HRH1: variants seen among roughly 807,000 people sequenced by gnomAD.
HRH1 encodes histamine H1 receptor.
Under a neutral mutation model 10.3 loss-of-function variants are expected in HRH1, and 6 were observed. The ratio of observed to expected loss-of-function variants is 0.58; its 90% CI spans 0.32 to 1.15. The LOEUF (loss-of-function observed/expected upper bound fraction) is 1.15. HRH1 is among the 50% of genes most tolerant of loss of function. The pLI, the probability that HRH1 is intolerant of heterozygous loss-of-function variation, is 0.05. For synonymous variants in HRH1, 242 were observed against 236.7 expected (o/e 1.02, Z -0.21); for missense variants, 514 against 615.3 (o/e 0.84, Z 1.74).
chr3:11,241,946 C>G (rs1018115092), intron 1 of HRH1, among the ~76,000 whole-genome samples: 2 of 152,072 alleles, frequency 1.3e-5, no homozygotes, highest in African/African-American at 4.8e-5. Context: ...AGTGGGCGCT[C>G]TCTAAAATGC....
chr3:11,209,485 G>C (rs552206657), intron 1 of HRH1, among the ~76,000 whole-genome samples: 10 of 152,248 alleles, frequency 6.6e-5, no homozygotes, highest in African/African-American at 2.2e-4. Flanking sequence ...AACTACTTTG[G>C]ATCTGTGTAA....
rs1939999627 is a variant in HRH1, at chr3:11,263,114, A to G, written c.*2613A>G. On this transcript the variant is annotated 3_prime_UTR_variant, in exon 2 of 2. Coordinates refer to ENST00000431010, the MANE Select transcript of HRH1 (RefSeq NM_001098212.2). ...TCCACTTTATCAATCTGCTCTTCGT[A>G]CTCCTGTCTGAACGATGGAAATTAA... 6.0e-6 allele frequency: 1 copy of G among 167,042 alleles called. No homozygotes were observed. Among genetic ancestry groups the G allele is most frequent in the South Asian group, 2.1e-4 (1 of 4,824 alleles). The allele number at this position is 167,042 out of a possible 1,614,324, so 10.3% of individuals were successfully genotyped here.
In HRH1 at chr3:11,154,791, C is replaced by T. The variant is rs375246134; in HGVS notation, c.-36+237C>T. Reference sequence around the variant, plus strand: ...CTCTCCACACTGTGGCCTCAGCACTCGACGCGCAGACACCTTTAGCTTCCC... The same window carrying T: ...CTCTCCACACTGTGGCCTCAGCACTTGACGCGCAGACACCTTTAGCTTCCC... On this transcript the variant is annotated intron_variant, in intron 1 of 1. Transcript: ENST00000431010. The surrounding 1 kb of genome is among the most constrained non-coding windows in gnomAD (Gnocchi z 4.4). Among the ~76,000 whole-genome samples, 114 of 152,198 alleles carry T rather than the reference C, an allele frequency of 7.5e-4. 1 individual carries two copies. The South Asian group carries it at 0.014, about 19-fold the overall frequency.
At chr3:11,174,883 G>A (rs1937220243) in intron 1 of HRH1, among the ~76,000 whole-genome samples, 2 of 152,168 alleles carry the variant, frequency 1.3e-5, no homozygotes, top group South Asian at 4.1e-4. Flanking sequence ...TAGCTGTTGG[G>A]CAATAGACTG....
chr3:11,236,429 A>C (rs1313762358), intron 1 of HRH1, among the ~76,000 whole-genome samples: 2 of 152,112 alleles, frequency 1.3e-5, no homozygotes, highest in African/African-American at 2.4e-5. Context: ...ACTCCGTCTC[A>C]AAACAAAACA....
At chr3:11,207,846 C>T (rs1286652786) in intron 1 of HRH1, among the ~76,000 whole-genome samples, 2 of 152,186 alleles carry the variant, frequency 1.3e-5, no homozygotes, top group African/African-American at 4.8e-5. Flanking sequence ...GAAGAGCGGG[C>T]ATCCTTGTGT....
At position 11,259,712 on chromosome 3, in the gene HRH1, G is replaced by A; in HGVS notation, c.675G>A (p.Glu225=). 2 of 1,614,044 alleles carry A rather than the reference G, an allele frequency of 1.2e-6. No individual in the cohort carries two copies. Among genetic ancestry groups the A allele is most frequent in the Non-Finnish European group, 8.5e-7 (1 of 1,179,982 alleles). The change falls in exon 2 of 2, where the codon GAG becomes GAA. Residue 225 remains glutamate (E), a synonymous_variant. Transcript: ENST00000431010. This position sits in a 1 kb window ranked among gnomAD's most constrained non-coding sequence, Gnocchi z 4.6. ...KAVRQHCQHR[E]LINRSLPSFS... is the part of the protein sequence containing the mutation. ...TACGACAACACTGCCAGCACCGGGA[G>A]CTCATCAATAGGTCCCTCCCTTCCT...
intron 1 of HRH1, among the ~76,000 whole-genome samples, chr3:11,161,680 G>A (rs1380886037): frequency 1.3e-5 from 2 of 152,190 alleles, no homozygotes; most frequent in Non-Finnish European, 2.9e-5. Flanking sequence ...GGCTTTCCAG[G>A]CATCTTGAAA....
intron 1 of HRH1, among the ~76,000 whole-genome samples, chr3:11,175,978 G>T (rs953814575): frequency 3.3e-5 from 5 of 151,822 alleles, no homozygotes; most frequent in Admixed American, 2.0e-4. Context: ...GGGCAACATG[G>T]CAAAACCCTG....
intron 1 of HRH1, among the ~76,000 whole-genome samples, chr3:11,175,102 A>T (rs1288124392): frequency 6.6e-6 from 1 of 152,138 alleles, no homozygotes; most frequent in African/African-American, 2.4e-5. Context: ...TGGAGTTGGG[A>T]TACTAAGGCT....
At chr3:11,140,335 T>C (rs1017752273) in intron 1 of HRH1, among the ~76,000 whole-genome samples, 3 of 151,716 alleles carry the variant, frequency 2.0e-5, no homozygotes, top group Non-Finnish European at 2.9e-5. Flanking sequence ...ATAAGCGCCT[T>C]CCTCCCTCCT....
At chr3:11,215,459 G>T (rs1302516000) in intron 1 of HRH1, among the ~76,000 whole-genome samples, 2 of 151,494 alleles carry the variant, frequency 1.3e-5, no homozygotes, top group Admixed American at 6.6e-5. Flanking sequence ...GATTTTTTTT[G>T]AGATAGAGTC....
chr3:11,194,273 T>G (rs1454515665), intron 1 of HRH1, among the ~76,000 whole-genome samples: 1 of 152,206 alleles, frequency 6.6e-6, no homozygotes, highest in Non-Finnish European at 1.5e-5. Flanking sequence ...ACCTTCTGAC[T>G]GTATGCATTT....
intron 1 of HRH1, among the ~76,000 whole-genome samples, chr3:11,185,403 G>C (rs1384770290): frequency 6.6e-6 from 1 of 152,166 alleles, no homozygotes; most frequent in Admixed American, 6.5e-5. Context: ...ACAGCACTTT[G>C]TCTACCCATT....
At chr3:11,166,775 T>A (rs998926456) in intron 1 of HRH1, among the ~76,000 whole-genome samples, 80 of 141,258 alleles carry the variant, frequency 5.7e-4, no homozygotes, top group Admixed American at 5.0e-3. Context: ...GTCCCCTGGC[T>A]TCTCCAGGCC....
chr3:11,178,724 G>A (rs1292538230), intron 1 of HRH1, among the ~76,000 whole-genome samples: 2 of 152,078 alleles, frequency 1.3e-5, no homozygotes, highest in Non-Finnish European at 1.5e-5. Context: ...CCTCCTGTGG[G>A]ATGACACAGG....
intron 1 of HRH1, among the ~76,000 whole-genome samples, chr3:11,140,187 C>T (rs1297935809): frequency 1.3e-5 from 2 of 152,026 alleles, no homozygotes; most frequent in African/African-American, 4.8e-5. Flanking sequence ...AAGCTTCTGC[C>T]CACATTTGGA....
At chr3:11,157,612 AG>A (rs758738442) in intron 1 of HRH1, among the ~76,000 whole-genome samples, 27 of 152,138 alleles carry the variant, frequency 1.8e-4, no homozygotes, top group Non-Finnish European at 3.4e-4. Context: ...ATGCTGTCGG[AG>A]GGGGGGCCAG....
chr3:11,256,771 T>A (rs1427373740), intron 1 of HRH1, among the ~76,000 whole-genome samples: 1 of 151,808 alleles, frequency 6.6e-6, no homozygotes, highest in African/African-American at 2.4e-5. Flanking sequence ...TGCACTCCAG[T>A]CTGGCGACAG....
Sources: allele counts gnomAD v4.1 joint callset (sites outside exome capture counted in the v4.1 genomes callset), GRCh38; gene constraint gnomAD v4.1.1; non-coding constraint Gnocchi (gnomAD v3.1); transcripts MANE v1.5; gene names NCBI Gene and HGNC (gene_info 2026-07-23, HGNC 2026-07-21).